Variants in TRPC5 observed in about 807,000 individuals in gnomAD.
TRPC5 encodes the protein transient receptor potential cation channel subfamily C member 5.
In TRPC5, 9 loss-of-function variants were observed where a neutral mutation model predicts 56.5. The observed-to-expected ratio is 0.16, with a 90% CI of 0.10 to 0.28. TRPC5 has a LOEUF of 0.28. Ranked by LOEUF, TRPC5 falls within the 10% of genes least tolerant of loss-of-function variation. TRPC5 has a pLI of 1.00. For missense variants in TRPC5, 469 were observed against 748.9 expected (o/e 0.63, Z 4.36); for synonymous variants, 282 against 278.5 (o/e 1.01, Z -0.13).
chrX:111,971,999 T>C (rs920171873), intron 1 of TRPC5, among the ~76,000 whole-genome samples: 2 of 111,964 alleles, frequency 1.8e-5, no homozygotes, highest in Admixed American at 9.5e-5. Context: ...TCTCTCATGC[T>C]ATCTATTCTC....
intron 3 of TRPC5, among the ~76,000 whole-genome samples, chrX:111,905,453 T>C (rs890700388): frequency 1.8e-5 from 2 of 112,087 alleles, no homozygotes; most frequent in Non-Finnish European, 3.8e-5. Context: ...TTACTTGTAT[T>C]GATAAATAAA....
intron 1 of TRPC5, among the ~76,000 whole-genome samples, chrX:112,063,823 G>A (rs1930513712): frequency 9.0e-6 from 1 of 111,650 alleles, no homozygotes. Flanking sequence ...ACAGAGTCTC[G>A]CTCTGCCGCC....
At chrX:111,832,147 C>T (rs1922427028) in intron 7 of TRPC5, among the ~76,000 whole-genome samples, 1 of 112,031 alleles carries the variant, frequency 8.9e-6, no homozygotes, top group Non-Finnish European at 1.9e-5. Context: ...GGAGTGATTC[C>T]TGCTTCACTG....
chrX:111,827,139 C>T (rs1319811404), intron 7 of TRPC5, among the ~76,000 whole-genome samples: 1 of 111,510 alleles, frequency 9.0e-6, no homozygotes, highest in Admixed American at 9.5e-5. Flanking sequence ...TATAATATAG[C>T]ACATTGTCTT....
intron 2 of TRPC5, among the ~76,000 whole-genome samples, chrX:111,941,660 T>C (rs1018093225): frequency 1.8e-5 from 2 of 111,890 alleles, no homozygotes; most frequent in Non-Finnish European, 3.8e-5. Context: ...TCCAAGCAAC[T>C]GGGGTGTGGC....
chrX:111,984,624 C>T (rs576722522), intron 1 of TRPC5, among the ~76,000 whole-genome samples: 2 of 111,826 alleles, frequency 1.8e-5, no homozygotes, highest in South Asian at 3.7e-4. Context: ...TACCAATAAG[C>T]CTAGAATAGT....
rs1352751462 is a variant in TRPC5 at position 111,848,825 on chromosome X, A to G, written c.1378-1389T>C. ...ATATTTCTACATTTTTCCTCCCCCA[A>G]CAAACATGCACTGCATTACTGTGAG... is the stretch of plus-strand genomic sequence containing the variant. On this transcript the variant is annotated intron_variant, in intron 5 of 10. Coordinates refer to ENST00000262839, the MANE Select transcript of TRPC5 (RefSeq NM_012471.3). Among the ~76,000 whole-genome samples the G allele has an allele frequency of 3.6e-5, 4 of 111,833 alleles. No homozygotes were observed. In the East Asian group the frequency reaches 8.4e-4, roughly 24 times the overall value.
At chrX:111,800,420 A>G (rs773291792) in intron 7 of TRPC5, among the ~76,000 whole-genome samples, 316 of 111,685 alleles carry the variant, frequency 2.8e-3, no homozygotes, top group African/African-American at 9.8e-3. Context: ...TCACGAGGTC[A>G]GGAGTTTGAG....
At chrX:112,048,905 G>T (rs780799637) in intron 1 of TRPC5, among the ~76,000 whole-genome samples, 2 of 111,791 alleles carry the variant, frequency 1.8e-5, no homozygotes, top group African/African-American at 6.5e-5. Context: ...ACCTCATCCC[G>T]CCTCTCCAAC....
At chrX:111,851,598 G>T (rs1414741345) in intron 5 of TRPC5, among the ~76,000 whole-genome samples, 1 of 109,407 alleles carries the variant, frequency 9.1e-6, no homozygotes, top group African/African-American at 3.3e-5. Flanking sequence ...TAAAAATGCT[G>T]GATTTATAAC....
At chrX:111,838,860 A>G (rs1268058513) in intron 6 of TRPC5, among the ~76,000 whole-genome samples, 1 of 111,880 alleles carries the variant, frequency 8.9e-6, no homozygotes, top group Non-Finnish European at 1.9e-5. Flanking sequence ...TGAGATGAGG[A>G]ATTACCCTTT....
At chrX:112,065,470 T>C (rs73550150) in intron 1 of TRPC5, among the ~76,000 whole-genome samples, 14,269 of 111,762 alleles carry the variant, frequency 0.13, 2,100 homozygotes, top group African/African-American at 0.42. Flanking sequence ...ATCCTCGATT[T>C]AGGATATTGC....
chrX:111,998,122 T>C (rs1010200889), intron 1 of TRPC5, among the ~76,000 whole-genome samples: 1 of 111,505 alleles, frequency 9.0e-6, no homozygotes, highest in African/African-American at 3.3e-5. Flanking sequence ...CTCCCCATCT[T>C]TGTGGTTTTA....
chrX:111,901,789 C>T, intron 3 of TRPC5: 1 of 949,565 alleles, frequency 1.1e-6, no homozygotes. Context: ...TCCATTGTCA[C>T]CAAGAGTCCA....
chrX:111,802,207 T>G (rs776637183), intron 7 of TRPC5, among the ~76,000 whole-genome samples: 4 of 111,798 alleles, frequency 3.6e-5, no homozygotes, highest in African/African-American at 9.7e-5. Flanking sequence ...GGACCTTTAA[T>G]TCTATTCTGT....
chrX:111,784,560 T>C (rs747252595), intron 7 of TRPC5, among the ~76,000 whole-genome samples: 18 of 111,689 alleles, frequency 1.6e-4, no homozygotes, highest in Middle Eastern at 4.7e-3. Flanking sequence ...GTTCATCTCA[T>C]TGGGACTGGT....
chrX:112,036,982 C>T (rs1235541139), intron 1 of TRPC5, among the ~76,000 whole-genome samples: 2 of 111,497 alleles, frequency 1.8e-5, no homozygotes, highest in Non-Finnish European at 3.8e-5. Flanking sequence ...ATGATCAAGG[C>T]AATGGGAAAG....
intron 1 of TRPC5, among the ~76,000 whole-genome samples, chrX:112,070,998 G>T (rs2147746113): frequency 9.0e-6 from 1 of 111,312 alleles, no homozygotes; most frequent in South Asian, 3.8e-4. Flanking sequence ...TGTGAAGTTG[G>T]GCTTGATAAG....
At chrX:111,983,235 GGCACTCA>G (rs2148653242) in intron 1 of TRPC5, among the ~76,000 whole-genome samples, 1 of 111,649 alleles carries the variant, frequency 9.0e-6, no homozygotes, top group East Asian at 2.8e-4. Context: ...TATCAGATTG[GGCACTCA>G]GCAGTGACTG....
Sources: gnomAD v4.1 joint callset for allele counts (sites outside exome capture counted in the v4.1 genomes callset) on GRCh38, gnomAD v4.1.1 for gene constraint, MANE v1.5 for transcripts, NCBI Gene and HGNC (gene_info 2026-07-23, HGNC 2026-07-21) for gene names.